SRGAP2B: variants seen among roughly 807,000 people sequenced by gnomAD.
SRGAP2B encodes SLIT-ROBO Rho GTPase-activating protein 2B.
Under a neutral mutation model 22.2 loss-of-function variants are expected in SRGAP2B, and 9 were observed. The observed-to-expected ratio is 0.41, with a 90% CI of 0.24 to 0.71. SRGAP2B has a LOEUF of 0.71. Ranked by LOEUF, SRGAP2B falls within the 30% of genes least tolerant of loss-of-function variation. The pLI is 0.35. For missense variants in SRGAP2B, 114 were observed against 235.8 expected, an observed-to-expected ratio of 0.48 and a Z score of 3.38; for synonymous variants, 36 against 87.4, an observed-to-expected ratio of 0.41 and a Z score of 3.28.
intron 2 of SRGAP2B, among the ~76,000 whole-genome samples, chr1:145,047,132 C>T (rs1441500100): frequency 2.2e-5 from 3 of 135,912 alleles, no homozygotes; most frequent in Admixed American, 7.4e-5. Flanking sequence ...GCCAAGATCG[C>T]ACCACTGCAC....
chr1:144,963,956 G>C (rs1290111942), intron 3 of SRGAP2B, among the ~76,000 whole-genome samples: 1 of 150,646 alleles, frequency 6.6e-6, no homozygotes, highest in Non-Finnish European at 1.5e-5. Flanking sequence ...CCGTCCCTGG[G>C]ACAATGAGTC....
rs1456806981 is a variant in SRGAP2B, at chr1:144,966,037, G to A, written c.261-10436C>T. On this transcript the variant is annotated intron_variant, in intron 3 of 9. Coordinates refer to ENST00000612199, the Ensembl canonical transcript of SRGAP2B. The stretch of plus-strand genomic sequence containing the variant: ...TGATTGGTGTACCTGAAAGTGAGGC[G>A]GAGAATGGAACCAAGTTGGAAAACA... Among the ~76,000 whole-genome samples the A allele has an allele frequency of 6.0e-5, 9 of 150,634 alleles. 1 individual carries two copies. Among genetic ancestry groups the A allele is most frequent in the South Asian group, 4.2e-4 (2 of 4,792 alleles).
chr1:144,979,776 G>T (rs1396805762), intron 3 of SRGAP2B, among the ~76,000 whole-genome samples: 2 of 151,472 alleles, frequency 1.3e-5, no homozygotes, highest in East Asian at 3.9e-4. Flanking sequence ...CTGGCTCCCC[G>T]GTGCCTTCTG....
At chr1:145,063,175 T>C (rs1651102807) in intron 2 of SRGAP2B, among the ~76,000 whole-genome samples, 2 of 109,800 alleles carry the variant, frequency 1.8e-5, no homozygotes, top group African/African-American at 7.6e-5. Context: ...ATTTTCTTCA[T>C]TAGGGGTAGG....
chr1:145,082,053 AAAACAAAC>A (rs879973166), intron 2 of SRGAP2B, among the ~76,000 whole-genome samples: 1 of 137,956 alleles, frequency 7.2e-6, no homozygotes, highest in African/African-American at 3.0e-5. Context: ...ATGGTTAAGA[AAAACAAAC>A]AAACAAACAA....
rs587704890 is a variant in SRGAP2B at position 145,081,112 on chromosome 1, C to G, written c.67+11723G>C. On this transcript the variant is annotated intron_variant, in intron 2 of 9. Coordinates refer to ENST00000612199, the Ensembl canonical transcript of SRGAP2B. ...TGAATTCTTTCATTTCAGCTTCACA[C>G]CAGTGTTAAGTCAGCTTAGGTTCAT... Among the ~76,000 whole-genome samples, 8 of 149,650 alleles carry G rather than the reference C, an allele frequency of 5.3e-5. 1 individual carries two copies. Among genetic ancestry groups the G allele is most frequent in the African/African-American group, 2.0e-4 (8 of 39,552 alleles).
intron 7 of SRGAP2B, among the ~76,000 whole-genome samples, chr1:144,902,944 A>C (rs1322626727): frequency 1.1e-4 from 7 of 61,490 alleles, no homozygotes; most frequent in Non-Finnish European, 1.5e-4. Context: ...TGATGAAAAT[A>C]AGGTACAAAA....
intron 4 of SRGAP2B, among the ~76,000 whole-genome samples, chr1:144,952,463 G>A (rs1375877182): frequency 2.0e-5 from 3 of 149,504 alleles, no homozygotes; most frequent in African/African-American, 7.6e-5. Context: ...TTACTAGAAA[G>A]CAGAGAGGCT....
At chr1:144,956,169 GAC>G (rs1448989681) in intron 3 of SRGAP2B, among the ~76,000 whole-genome samples, 5 of 149,888 alleles carry the variant, frequency 3.3e-5, no homozygotes, top group Non-Finnish European at 7.4e-5. Flanking sequence ...ATTTTGTCTA[GAC>G]ACAAAAATCA....
Position 144,909,842 on chromosome 1 carries a change from C to T in SRGAP2B, c.487-3768G>A, listed in dbSNP as rs1222788709. On this transcript the variant is annotated intron_variant, in intron 5 of 9. Transcript: ENST00000612199. ...GTGGGAGATCAAAAGTGTGATCTCT[C>T]AGCAATCTGACCATCCAAGATAAGA... 1.3e-5 allele frequency among the ~76,000 whole-genome samples: 2 copies of T among 150,536 alleles called. 1 individual carries two copies. The highest frequency in any genetic ancestry group is 5.0e-5 in the African/African-American group (2 of 40,016).
intron 2 of SRGAP2B, among the ~76,000 whole-genome samples, chr1:145,025,903 G>A (rs1220355336): frequency 2.0e-5 from 3 of 151,272 alleles, no homozygotes; most frequent in Admixed American, 6.6e-5. Context: ...TATCCTGAAC[G>A]CTTTAACGCA....
chr1:145,061,785 G>A (rs1553631543), intron 2 of SRGAP2B, among the ~76,000 whole-genome samples: 1 of 138,040 alleles, frequency 7.2e-6, no homozygotes, highest in African/African-American at 2.8e-5. Flanking sequence ...AGTAGAGACG[G>A]GGTTTCACCA....
At chr1:144,997,149 C>T (rs1347733150) in intron 2 of SRGAP2B, among the ~76,000 whole-genome samples, 3 of 150,508 alleles carry the variant, frequency 2.0e-5, no homozygotes, top group Non-Finnish European at 4.4e-5. Flanking sequence ...GAACCAAGTG[C>T]CAGGCGCGGT....
chr1:145,006,375 T>C lies in SRGAP2B; in HGVS notation c.68-11175A>G, dbSNP rs587774983. Among the ~76,000 whole-genome samples, 34 of 150,618 alleles carry C rather than the reference T, an allele frequency of 2.3e-4. 2 individuals carry two copies. The East Asian group carries it at 6.6e-3, about 29-fold the overall frequency. The stretch of plus-strand genomic sequence containing the variant: ...CTCTCATGAAGCTATAGTCAACTTA[T>C]AAGCAATCTCTTGTTATGTTCTCCC... On this transcript the variant is annotated intron_variant, in intron 2 of 9. Coordinates refer to ENST00000612199, the Ensembl canonical transcript of SRGAP2B.
intron 2 of SRGAP2B, among the ~76,000 whole-genome samples, chr1:145,082,087 A>C (rs1404860054): frequency 2.1e-5 from 3 of 146,062 alleles, no homozygotes; most frequent in African/African-American, 8.0e-5. Context: ...CAAACAAAAA[A>C]AACAAAGAGA....
chr1:145,083,987 G>A (rs1402821175), intron 2 of SRGAP2B, among the ~76,000 whole-genome samples: 46 of 130,678 alleles, frequency 3.5e-4, no homozygotes, highest in Admixed American at 6.8e-4. Flanking sequence ...TAGAGAGAAG[G>A]GTTATTTCTG....
exon 10 of SRGAP2B, chr1:144,888,928 A>T (rs1570695807): frequency 7.2e-6 from 1 of 138,234 alleles, no homozygotes; most frequent in Non-Finnish European, 1.5e-5. Flanking sequence ...GTGAGCCACC[A>T]CGCCCAGCAG....
intron 3 of SRGAP2B, among the ~76,000 whole-genome samples, chr1:144,969,996 A>G (rs1296436604): frequency 1.3e-5 from 2 of 150,506 alleles, no homozygotes; most frequent in East Asian, 3.9e-4. Flanking sequence ...GTCAGGAAAC[A>G]ACAGGTGCTG....
intron 2 of SRGAP2B, among the ~76,000 whole-genome samples, chr1:145,009,512 C>T (rs868993329): frequency 5.0e-5 from 7 of 139,868 alleles, no homozygotes; most frequent in South Asian, 2.3e-4. Flanking sequence ...GGCGTGAACC[C>T]GGGAGGCGGA....
Sources: allele counts gnomAD v4.1 joint callset (sites outside exome capture counted in the v4.1 genomes callset), GRCh38; gene constraint gnomAD v4.1.1; transcripts MANE v1.5; gene names NCBI Gene and HGNC (gene_info 2026-07-23, HGNC 2026-07-21).